The following RALYL variants were observed in gnomAD, a reference collection of about 807,000 sequenced individuals.
RALYL encodes RNA-binding Raly-like protein.
A neutral mutation model predicts 35.1 loss-of-function variants in RALYL; 29 were observed. The ratio of observed to expected loss-of-function variants is 0.83; its 90% CI spans 0.61 to 1.13. The LOEUF (loss-of-function observed/expected upper bound fraction) is 1.13, where lower values mean the gene tolerates loss of function less well. Among genes scored for constraint, RALYL ranks in the 50% most tolerant of loss-of-function variants. RALYL has a pLI of 0.00. For synonymous variants in RALYL, 120 were observed against 127.6 expected (o/e 0.94, Z 0.40); for missense variants, 359 against 360.4 (o/e 1.00, Z 0.03).
At chr8:84,464,334 T>G (rs2051242850) in intron 1 of RALYL, among the ~76,000 whole-genome samples, 1 of 151,782 alleles carries the variant, frequency 6.6e-6, no homozygotes, top group South Asian at 2.1e-4. Context: ...ATATTCCCCT[T>G]CCTGTGTCCA....
chr8:84,711,622 C>T (rs1203313707), intron 2 of RALYL, among the ~76,000 whole-genome samples: 3 of 152,044 alleles, frequency 2.0e-5, no homozygotes, highest in Non-Finnish European at 4.4e-5. Flanking sequence ...CTTTTTAAGG[C>T]ATTGACAGGG....
intron 3 of RALYL, among the ~76,000 whole-genome samples, chr8:84,775,750 T>A (rs528652591): frequency 6.6e-6 from 1 of 152,308 alleles, no homozygotes; most frequent in East Asian, 1.9e-4. Flanking sequence ...ATTGAGTTGA[T>A]TTTGGGGAAG....
At chr8:84,677,324 A>T (rs1834419837) in intron 2 of RALYL, among the ~76,000 whole-genome samples, 1 of 152,234 alleles carries the variant, frequency 6.6e-6, no homozygotes, top group South Asian at 2.1e-4. Flanking sequence ...TTTGAATAAC[A>T]TGGTTCAGAT....
At chr8:84,832,985 C>T (rs1586631721) in intron 4 of RALYL, among the ~76,000 whole-genome samples, 1 of 152,206 alleles carries the variant, frequency 6.6e-6, no homozygotes, top group African/African-American at 2.4e-5. Flanking sequence ...CTTAGTCTGC[C>T]TTCTGGAGCC....
At chr8:84,402,843 G>T (rs144523281) in intron 1 of RALYL, among the ~76,000 whole-genome samples, 4,309 of 152,146 alleles carry the variant, frequency 0.028, 199 homozygotes, top group African/African-American at 0.098. Flanking sequence ...ACTTTTTAAT[G>T]ATCGCCATTC....
At chr8:84,358,216 A>G (rs577420181) in intron 1 of RALYL, among the ~76,000 whole-genome samples, 1 of 152,008 alleles carries the variant, frequency 6.6e-6, no homozygotes, top group African/African-American at 2.4e-5. Context: ...AAGTCATTGA[A>G]ATACCAAGTC....
At chr8:84,414,979 G>A (rs2044490951) in intron 1 of RALYL, among the ~76,000 whole-genome samples, 2 of 152,002 alleles carry the variant, frequency 1.3e-5, no homozygotes, top group Non-Finnish European at 2.9e-5. Context: ...AGTTCGGGGT[G>A]GGTCCTGAAT....
At chr8:84,716,580 T>C (rs1842971424) in intron 2 of RALYL, among the ~76,000 whole-genome samples, 1 of 152,174 alleles carries the variant, frequency 6.6e-6, no homozygotes, top group Non-Finnish European at 1.5e-5. Flanking sequence ...AAGCTAGTCA[T>C]TTTCTAATGA....
chr8:84,523,659 T>C (rs1439952922), intron 1 of RALYL, among the ~76,000 whole-genome samples: 7 of 89,448 alleles, frequency 7.8e-5, no homozygotes, highest in African/African-American at 9.0e-5. Context: ...ATGCTATCCC[T>C]CCCCCCTCCC....
intron 1 of RALYL, among the ~76,000 whole-genome samples, chr8:84,355,838 C>T (rs1398466654): frequency 9.3e-5 from 14 of 150,136 alleles, no homozygotes; most frequent in Admixed American, 7.3e-4. Context: ...AGGTTTTTGG[C>T]ATTAACAGCT....
intron 4 of RALYL, among the ~76,000 whole-genome samples, chr8:84,826,863 C>A (rs539371416): frequency 6.6e-6 from 1 of 151,900 alleles, no homozygotes; most frequent in South Asian, 2.1e-4. Context: ...GAAAGAATCA[C>A]CAGACATTTG....
At chr8:84,487,259 A>G (rs1187475966) in intron 1 of RALYL, among the ~76,000 whole-genome samples, 1 of 152,078 alleles carries the variant, frequency 6.6e-6, no homozygotes, top group Non-Finnish European at 1.5e-5. Context: ...TTTTTCAGAA[A>G]AATAATTTTT....
intron 2 of RALYL, among the ~76,000 whole-genome samples, chr8:84,716,672 T>G (rs1842986737): frequency 6.6e-6 from 1 of 152,198 alleles, no homozygotes; most frequent in Admixed American, 6.5e-5. Context: ...TAATACTCCA[T>G]GAAGCTTTCT....
At chr8:84,365,436 C>G (rs372020576) in intron 1 of RALYL, among the ~76,000 whole-genome samples, 62 of 152,192 alleles carry the variant, frequency 4.1e-4, no homozygotes, top group African/African-American at 1.4e-3. Flanking sequence ...CCATAAAAAT[C>G]AATACATTGA....
At position 84,209,519 on chromosome 8, in the gene RALYL, C is replaced by T. The variant is rs552499136; in HGVS notation, c.-24+25095C>T. Among the ~76,000 whole-genome samples the T allele has an allele frequency of 2.5e-4, 38 of 152,260 alleles. No homozygotes were observed. The South Asian group carries it at 6.6e-3, about 27-fold the overall frequency. ...TGAGTGTCACCTTTTATAAACTGAGCCACTACAGGGCAATATTTTCAATAA... is the reference window on the plus strand; with the variant it reads ...TGAGTGTCACCTTTTATAAACTGAGTCACTACAGGGCAATATTTTCAATAA... On this transcript the variant is annotated intron_variant, in intron 1 of 8. Coordinates refer to ENST00000521268, the MANE Select transcript of RALYL (RefSeq NM_173848.7).
chr8:84,423,838 G>A (rs1431858621), intron 1 of RALYL, among the ~76,000 whole-genome samples: 1 of 151,240 alleles, frequency 6.6e-6, no homozygotes, highest in Non-Finnish European at 1.5e-5. Flanking sequence ...TGAAATTCTG[G>A]GTTGAAAATT....
At chr8:84,592,816 T>C (rs753825713) in intron 2 of RALYL, among the ~76,000 whole-genome samples, 20 of 152,172 alleles carry the variant, frequency 1.3e-4, no homozygotes, top group Non-Finnish European at 2.1e-4. Flanking sequence ...ATTTTCTTTA[T>C]TAAATTTATT....
At chr8:84,523,798 G>A (rs1398571045) in intron 1 of RALYL, among the ~76,000 whole-genome samples, 1 of 151,740 alleles carries the variant, frequency 6.6e-6, no homozygotes, top group East Asian at 1.9e-4. Flanking sequence ...AGTTTACTGA[G>A]AATGATGCTT....
intron 1 of RALYL, among the ~76,000 whole-genome samples, chr8:84,395,841 A>C (rs1229249770): frequency 6.6e-6 from 1 of 151,960 alleles, no homozygotes. Flanking sequence ...TAAAATACTT[A>C]GAAAACTTCC....
Sources: gnomAD v4.1 joint callset for allele counts (sites outside exome capture counted in the v4.1 genomes callset) on GRCh38, gnomAD v4.1.1 for gene constraint, MANE v1.5 for transcripts, NCBI Gene and HGNC (gene_info 2026-07-23, HGNC 2026-07-21) for gene names.